The following RPE65 variants were observed in gnomAD, a reference collection of about 807,000 sequenced individuals.
RPE65 encodes retinoid isomerohydrolase.
In RPE65, 58 loss-of-function variants were observed where a neutral mutation model predicts 68.5. The ratio of observed to expected loss-of-function variants is 0.85; its 90% CI spans 0.69 to 1.05. The LOEUF is 1.05. RPE65 is among the 50% of genes least tolerant of loss of function. The probability of loss-of-function intolerance (pLI) is 0.00; values close to 1 mark genes in which losing one functional copy is unlikely to be tolerated. For missense variants in RPE65, 643 were observed against 629.9 expected (o/e 1.02, Z -0.22); for synonymous variants, 220 against 222.2 (o/e 0.99, Z 0.09).
chr1:68,448,476 T>C (rs1330691308), intron 2 of RPE65, 148 bp downstream of exon 2: 1 of 701,160 alleles, frequency 1.4e-6, no homozygotes, highest in South Asian at 1.6e-5. Context: ...TGAAAGAAAA[T>C]GGGTTCTTGC....
intron 10 of RPE65, among the ~76,000 whole-genome samples, chr1:68,437,338 C>T (rs142996836): frequency 7.9e-4 from 121 of 152,256 alleles, no homozygotes; most frequent in Non-Finnish European, 1.3e-3. Flanking sequence ...CCTTTATAGA[C>T]GCCCCTTTGC....
At chr1:68,437,674 T>C (rs550375799) in intron 10 of RPE65, among the ~76,000 whole-genome samples, 18 of 152,290 alleles carry the variant, frequency 1.2e-4, no homozygotes, top group African/African-American at 4.3e-4. Flanking sequence ...AGTCTCTAAA[T>C]ACAGGGAAGA....
At chr1:68,437,376 C>T (rs1645869194) in intron 10 of RPE65, among the ~76,000 whole-genome samples, 1 of 152,184 alleles carries the variant, frequency 6.6e-6, no homozygotes, top group Admixed American at 6.5e-5. Flanking sequence ...CCTCAACCTT[C>T]TCCCTCTTTC....
chr1:68,429,940 A>G lies in RPE65; in HGVS notation c.1451-13T>C, dbSNP rs1645814471. On this transcript the variant is annotated splice_polypyrimidine_tract_variant and intron_variant, in intron 13 of 13. Transcript: ENST00000262340. The stretch of plus-strand genomic sequence containing the variant: ...CTCAGAACTACACCTGTTTATCAGA[A>G]GTAAATTAGGCAATATTGAGTTTTT... 1 of 1,613,440 alleles carries G rather than the reference A, an allele frequency of 6.2e-7. No individual in the cohort carries two copies. The highest frequency in any genetic ancestry group is 8.5e-7 in the Non-Finnish European group (1 of 1,179,662).
intron 5 of RPE65, among the ~76,000 whole-genome samples, chr1:68,442,048 T>C (rs1258057319): frequency 6.6e-6 from 1 of 152,214 alleles, no homozygotes; most frequent in Non-Finnish European, 1.5e-5. Context: ...AGCTCCTCAG[T>C]CACATTAGCC....
chr1:68,443,039 G>T (rs558667180), intron 5 of RPE65, among the ~76,000 whole-genome samples: 4 of 151,896 alleles, frequency 2.6e-5, no homozygotes, highest in Non-Finnish European at 5.9e-5. Flanking sequence ...TTGCCTTCCC[G>T]TACAGCCCAC....
intron 3 of RPE65, among the ~76,000 whole-genome samples, chr1:68,445,376 TA>T (rs1470371413): frequency 2.0e-5 from 3 of 152,210 alleles, no homozygotes; most frequent in Non-Finnish European, 4.4e-5. Context: ...TATTTTGTTT[TA>T]AAAATTAAGT....
At chr1:68,430,362 T>C (rs901456823) in intron 13 of RPE65, among the ~76,000 whole-genome samples, 1 of 152,234 alleles carries the variant, frequency 6.6e-6, no homozygotes, top group Non-Finnish European at 1.5e-5. Flanking sequence ...ATATCATATG[T>C]ATGGTTTCTA....
chr1:68,441,577 C>G (rs981573938), intron 5 of RPE65, among the ~76,000 whole-genome samples: 4 of 151,984 alleles, frequency 2.6e-5, no homozygotes, highest in African/African-American at 7.3e-5. Flanking sequence ...AAGCATACAG[C>G]ATTTAATTCA....
chr1:68,439,178 A>G lies in RPE65; in HGVS notation c.858+13T>C, dbSNP rs2100818973. 6.2e-7 allele frequency: 1 copy of G among 1,614,118 alleles called. No homozygotes were observed. Among genetic ancestry groups the G allele is most frequent in the Non-Finnish European group, 8.5e-7 (1 of 1,180,006 alleles). ...TCAGAATCACAAACTTGACAAATAT[A>G]TCTAAGACTTACCCCCATGGTTTCA... On this transcript the variant is annotated intron_variant, in intron 8 of 13. Coordinates refer to ENST00000262340, the MANE Select transcript of RPE65 (RefSeq NM_000329.3).
At position 68,444,886 on chromosome 1, in the gene RPE65, G is replaced by A. The variant is rs768970681; in HGVS notation, c.246-3C>T. 6.2e-7 allele frequency: 1 copy of A among 1,613,474 alleles called. No homozygotes were observed. Among genetic ancestry groups the A allele is most frequent in the East Asian group, 2.2e-5 (1 of 44,868 alleles). ...CGTAAGCATCAGTGCGGATGAACCT[G>A]AAGGACATTGAAACATAGGGAAGAG... On this transcript the variant is annotated splice_region_variant and splice_polypyrimidine_tract_variant and intron_variant, in intron 3 of 13. Coordinates refer to ENST00000262340, the MANE Select transcript of RPE65 (RefSeq NM_000329.3).
chr1:68,435,017 C>T (rs1019829027), intron 10 of RPE65, among the ~76,000 whole-genome samples: 2 of 152,218 alleles, frequency 1.3e-5, no homozygotes, highest in Non-Finnish European at 2.9e-5. Flanking sequence ...ACTTCTGTCT[C>T]TCTCACTCTA....
intron 10 of RPE65, among the ~76,000 whole-genome samples, chr1:68,432,374 C>G (rs750454753): frequency 2.0e-5 from 3 of 152,000 alleles, no homozygotes; most frequent in Non-Finnish European, 4.4e-5. Flanking sequence ...GAAAAAAGAT[C>G]AGAAACGTGA....
chr1:68,446,711 T>C lies in RPE65; in HGVS notation c.244A>G (p.Arg82Gly). The C allele has an allele frequency of 6.2e-7, 1 of 1,614,164 alleles. No individual in the cohort carries two copies. The highest frequency in any genetic ancestry group is 8.5e-7 in the Non-Finnish European group (1 of 1,180,032). The part of the protein sequence containing the change: ...FKEGHVTYHR[R>G]FIRTDAYVRA... ...GAGTGGCATGGAGTGCTGCTTTACC[T>C]TCTGTGGTATGTGACATGTCCTTCT... Residue 82 changes from arginine to glycine, a missense_variant and splice_region_variant, in exon 3 of 14, where the codon AGG becomes GGG. Arg to Gly is a moderately radical substitution (Grantham distance 125, BLOSUM62 -2). Transcript: ENST00000262340.
chr1:68,433,208 C>T lies in RPE65; in HGVS notation c.1129-1623G>A, dbSNP rs567624821. Reference sequence around the variant, plus strand: ...TGAATAAGGCATGAATATTTAACAACGAGTGAGTGTATAAATGGAAGATAG... The same window carrying T: ...TGAATAAGGCATGAATATTTAACAATGAGTGAGTGTATAAATGGAAGATAG... On this transcript the variant is annotated intron_variant, in intron 10 of 13. Coordinates refer to ENST00000262340, the MANE Select transcript of RPE65 (RefSeq NM_000329.3). Among the ~76,000 whole-genome samples the T allele has an allele frequency of 1.1e-4, 17 of 152,150 alleles. No individual in the cohort carries two copies. The South Asian group carries it at 1.5e-3, about 13-fold the overall frequency.
chr1:68,449,100 C>G (rs1645963337), intron 1 of RPE65, among the ~76,000 whole-genome samples: 1 of 152,150 alleles, frequency 6.6e-6, no homozygotes, highest in East Asian at 1.9e-4. Context: ...TAAACAGGGT[C>G]CTTCCCACAG....
intron 10 of RPE65, among the ~76,000 whole-genome samples, chr1:68,434,664 G>A (rs1645848290): frequency 7.2e-6 from 1 of 139,478 alleles, no homozygotes; most frequent in African/African-American, 2.8e-5. Context: ...GTGGTTTCAA[G>A]TTGAATTTTT....
At chr1:68,438,821 G>T (rs1645878710) in intron 9 of RPE65, 121 bp downstream of exon 9, 17 of 1,222,992 alleles carry the variant, frequency 1.4e-5, no homozygotes, top group Non-Finnish European at 1.8e-5. Context: ...TTACATTTTT[G>T]ACTCTCACAT....
Position 68,431,115 on chromosome 1 carries a change from G to A in RPE65, c.1400C>T (p.Pro467Leu). 1 of 1,613,806 alleles carries A rather than the reference G, an allele frequency of 6.2e-7. No individual in the cohort carries two copies. Residue 467 changes from proline (P) to leucine (L), a missense_variant, in exon 13 of 14, where the codon CCA (proline) becomes CTA (leucine). Coordinates refer to ENST00000262340, the MANE Select transcript of RPE65 (RefSeq NM_000329.3). ...TWVWQEPDSY[P>L]SEPIFVSHPD... ...GTGAGAAACAAAGATGGGTTCTGAT[G>A]GGTATGAATCAGGCTCTTGCCAAAC...
Sources: gnomAD v4.1 joint callset for allele counts (sites outside exome capture counted in the v4.1 genomes callset) on GRCh38, gnomAD v4.1.1 for gene constraint, MANE v1.5 for transcripts, NCBI Gene and HGNC (gene_info 2026-07-23, HGNC 2026-07-21) for gene names.